The following ATXN7L1 variants were observed in gnomAD, a reference collection of about 807,000 sequenced individuals.
The protein encoded by ATXN7L1 is ataxin 7 like 1.
Under a neutral mutation model 70.8 loss-of-function variants are expected in ATXN7L1, and 15 were observed. That is an observed-to-expected ratio of 0.21 (90% confidence interval 0.14 to 0.33). ATXN7L1 has a LOEUF of 0.33. Ranked by LOEUF, ATXN7L1 falls within the 10% of genes least tolerant of loss-of-function variation. The pLI, the probability that ATXN7L1 is intolerant of heterozygous loss-of-function variation, is 1.00. For synonymous variants in ATXN7L1, 440 were observed against 445.1 expected, an observed-to-expected ratio of 0.99 and a Z score of 0.14; for missense variants, 975 against 1,097.1, an observed-to-expected ratio of 0.89 and a Z score of 1.57.
At position 105,607,266 on chromosome 7, in the gene ATXN7L1, G is replaced by C. The variant is rs1345674702; in HGVS notation, c.*586C>G. The C allele has an allele frequency of 6.5e-6, 1 of 153,292 alleles. No individual in the cohort carries two copies. Among genetic ancestry groups the C allele is most frequent in the Non-Finnish European group, 1.5e-5 (1 of 68,910 alleles). 9.5% of individuals were successfully genotyped at this position (153,292 alleles called of 1,614,324 possible). On this transcript the variant is annotated 3_prime_UTR_variant, in exon 12 of 12. Transcript: ENST00000419735. ...ATGGTGGGCTGTGGAAACTGGATGA[G>C]GGAACCCCACCCACCCTCCAACTCT...
chr7:105,670,658 C>CT (rs924234804), intron 3 of ATXN7L1, among the ~76,000 whole-genome samples: 1 of 117,358 alleles, frequency 8.5e-6, no homozygotes, highest in Non-Finnish European at 2.0e-5. Flanking sequence ...TACTATTTAT[C>CT]TTTAAAAAAA....
intron 2 of ATXN7L1, among the ~76,000 whole-genome samples, chr7:105,831,062 G>A (rs1811534312): frequency 6.6e-6 from 1 of 152,182 alleles, no homozygotes; most frequent in Non-Finnish European, 1.5e-5. Flanking sequence ...AGGGCTCTGT[G>A]TAAAGTTTGG....
intron 2 of ATXN7L1, among the ~76,000 whole-genome samples, chr7:105,797,844 C>T (rs903574268): frequency 2.5e-4 from 38 of 152,222 alleles, no homozygotes; most frequent in African/African-American, 8.9e-4. Flanking sequence ...CTCTGACTCT[C>T]ACCAGACGGC....
rs1191774371 is a variant in ATXN7L1 at position 105,619,140 on chromosome 7, G to GTTTTTTTTTTTTTTTTTTTTTTT, written c.1517+1037_1517+1059dup. On this transcript the variant is annotated intron_variant, in intron 9 of 11. Transcript: ENST00000419735. ...GTCCACAACCATAATGAAATCTTTA[G>GTTTTTTTTTTTTTTTTTTTTTTT]TTTTTTTTTTTTTTTTTTTTTTTTT... 1.6e-4 allele frequency among the ~76,000 whole-genome samples: 8 copies of GTTTTTTTTTTTTTTTTTTTTTTT among 49,844 alleles called. 3 individuals are homozygous for GTTTTTTTTTTTTTTTTTTTTTTT. The highest frequency in any genetic ancestry group is 1.6e-4 in the African/African-American group (2 of 12,222). The allele number at this position is 49,844 out of a possible 152,430, so 32.7% of individuals were successfully genotyped here.
intron 7 of ATXN7L1, among the ~76,000 whole-genome samples, 152 bp downstream of exon 7, chr7:105,638,201 G>A (rs1797665531): frequency 6.6e-6 from 1 of 152,170 alleles, no homozygotes; most frequent in African/African-American, 2.4e-5. Flanking sequence ...GGCCTCTTAT[G>A]TACATTATCT....
At chr7:105,760,504 C>A (rs1800400673) in intron 3 of ATXN7L1, 1 of 985,742 alleles carries the variant, frequency 1.0e-6, no homozygotes, top group South Asian at 4.7e-5. Flanking sequence ...TATAATTTCT[C>A]AACTAGCCTC....
rs564011223 is a variant in ATXN7L1, at chr7:105,780,553, A to AT, written c.355+8050dup. On this transcript the variant is annotated intron_variant, in intron 3 of 11. Coordinates refer to ENST00000419735, the MANE Select transcript of ATXN7L1 (RefSeq NM_020725.2). ...CATCCAGGTTCTCTGGTTCTAAACCATTTTTTTTTTTTTAAGTAGCAGTGA... is the reference window on the plus strand; with the variant it reads ...CATCCAGGTTCTCTGGTTCTAAACCATTTTTTTTTTTTTTAAGTAGCAGTGA... Among the ~76,000 whole-genome samples the AT allele has an allele frequency of 3.1e-3, 458 of 145,982 alleles. 6 individuals are homozygous for AT. The highest frequency in any genetic ancestry group is 0.019 in the South Asian group (85 of 4,552).
At chr7:105,654,907 A>ATTTT in intron 4 of ATXN7L1, among the ~76,000 whole-genome samples, 1 of 140,908 alleles carries the variant, frequency 7.1e-6, no homozygotes, top group Non-Finnish European at 1.5e-5. Context: ...CGCCTGGCTA[A>ATTTT]TTTTTTTTTT....
chr7:105,774,933 A>G (rs1295948660), intron 3 of ATXN7L1, among the ~76,000 whole-genome samples: 5 of 152,216 alleles, frequency 3.3e-5, no homozygotes, highest in African/African-American at 4.8e-5. Flanking sequence ...ACGCTAATAA[A>G]CAAACAAATA....
chr7:105,616,627 G>A (rs1191841927), intron 9 of ATXN7L1, among the ~76,000 whole-genome samples: 1 of 152,170 alleles, frequency 6.6e-6, no homozygotes, highest in Non-Finnish European at 1.5e-5. Flanking sequence ...ATGGATGAAT[G>A]GGTAGGTGGA....
chr7:105,737,626 C>G (rs1467716191), intron 3 of ATXN7L1, among the ~76,000 whole-genome samples: 1 of 151,758 alleles, frequency 6.6e-6, no homozygotes, highest in Non-Finnish European at 1.5e-5. Context: ...GAGGGGGACT[C>G]TTCACCCACC....
In ATXN7L1 at chr7:105,740,787, T is replaced by TC. The variant is rs1797930812; in HGVS notation, c.355+47816_355+47817insG. ...TCCATTCATTTTTTTTTTTTTTTAA[T>TC]GGAGTCTCACTCTGTCGCCCAGGCT... On this transcript the variant is annotated intron_variant, in intron 3 of 11. Coordinates refer to ENST00000419735, the MANE Select transcript of ATXN7L1 (RefSeq NM_020725.2). Among the ~76,000 whole-genome samples, 2 of 79,280 alleles carry TC rather than the reference T, an allele frequency of 2.5e-5. 1 individual carries two copies. The highest frequency in any genetic ancestry group is 1.2e-4 in the African/African-American group (2 of 17,322). 52.0% of individuals were successfully genotyped at this position (79,280 alleles called of 152,430 possible).
chr7:105,651,469 G>A (rs1799823672), intron 4 of ATXN7L1, among the ~76,000 whole-genome samples: 1 of 152,190 alleles, frequency 6.6e-6, no homozygotes, highest in Non-Finnish European at 1.5e-5. Context: ...GAAAACTTCT[G>A]CTTCCTTAGT....
chr7:105,812,078 C>G (rs117778026), intron 2 of ATXN7L1, among the ~76,000 whole-genome samples: 2,948 of 151,926 alleles, frequency 0.019, 44 homozygotes, highest in East Asian at 0.064. Context: ...CACAGGGAGG[C>G]ACCCTGCTCC....
chr7:105,873,705 T>C (rs1818612714), intron 2 of ATXN7L1, among the ~76,000 whole-genome samples: 2 of 152,212 alleles, frequency 1.3e-5, no homozygotes, highest in African/African-American at 4.8e-5. Context: ...GAACAGTGGG[T>C]GTCCTTAATG....
chr7:105,643,848 T>C (rs1798611331), intron 4 of ATXN7L1, among the ~76,000 whole-genome samples: 2 of 152,268 alleles, frequency 1.3e-5, no homozygotes, highest in Admixed American at 1.3e-4. Flanking sequence ...TCAGAATCTG[T>C]CACCTTAGCC....
At chr7:105,798,204 CAAGTGCATGA>C (rs1180599650) in intron 2 of ATXN7L1, among the ~76,000 whole-genome samples, 1 of 152,186 alleles carries the variant, frequency 6.6e-6, no homozygotes, top group Non-Finnish European at 1.5e-5. Flanking sequence ...CCCACCATGC[CAAGTGCATGA>C]AAGCTGTTCC....
intron 3 of ATXN7L1, among the ~76,000 whole-genome samples, chr7:105,723,052 G>A (rs1243794141): frequency 6.6e-6 from 1 of 152,130 alleles, no homozygotes; most frequent in Non-Finnish European, 1.5e-5. Flanking sequence ...TTTAAAAAAT[G>A]TACAGCACCA....
At chr7:105,663,017 A>G (rs1211819034) in intron 4 of ATXN7L1, among the ~76,000 whole-genome samples, 2 of 152,234 alleles carry the variant, frequency 1.3e-5, no homozygotes, top group African/African-American at 2.4e-5. Context: ...ATAAGATCAA[A>G]TAACTTGCCC....
Sources: gnomAD v4.1 joint callset for allele counts (sites outside exome capture counted in the v4.1 genomes callset) on GRCh38, gnomAD v4.1.1 for gene constraint, MANE v1.5 for transcripts, NCBI Gene and HGNC (gene_info 2026-07-23, HGNC 2026-07-21) for gene names.